SPRED1: variants seen among roughly 807,000 people sequenced by gnomAD.
SPRED1 encodes sprouty-related, EVH1 domain-containing protein 1.
A neutral mutation model predicts 52.3 loss-of-function variants in SPRED1; 18 were observed. That is an observed-to-expected ratio of 0.34 (90% CI 0.24 to 0.51). The LOEUF (loss-of-function observed/expected upper bound fraction) is 0.51. Among genes scored for constraint, SPRED1 ranks in the 20% least tolerant of loss-of-function variants. The pLI, the probability that SPRED1 is intolerant of heterozygous loss-of-function variation, is 0.97. For missense variants in SPRED1, 485 were observed against 551.0 expected (o/e 0.88, Z 1.20); for synonymous variants, 155 against 179.7 (o/e 0.86, Z 1.10).
intron 1 of SPRED1, among the ~76,000 whole-genome samples, chr15:38,297,419 G>A (rs1295272404): frequency 1.3e-5 from 2 of 152,172 alleles, no homozygotes; most frequent in African/African-American, 2.4e-5. Flanking sequence ...TAGTGGTGGA[G>A]CTTGCTCCAG....
chr15:38,304,737 C>G (rs184349471), intron 2 of SPRED1, among the ~76,000 whole-genome samples: 340 of 152,280 alleles, frequency 2.2e-3, no homozygotes, highest in African/African-American at 7.8e-3. Flanking sequence ...TTACCCAGAA[C>G]TGTTCCATTT....
intron 6 of SPRED1, 105 bp downstream of exon 6, chr15:38,349,628 A>C (rs1203671000): frequency 1.2e-6 from 1 of 857,290 alleles, no homozygotes; most frequent in African/African-American, 1.7e-5. Flanking sequence ...TGTACTAGAA[A>C]ATTTTTCATT....
chr15:38,269,911 T>G (rs910614238), intron 1 of SPRED1, among the ~76,000 whole-genome samples: 1 of 144,672 alleles, frequency 6.9e-6, no homozygotes, highest in Admixed American at 6.9e-5. Flanking sequence ...CTTTCTTTTT[T>G]TTTTTTTTTT....
chr15:38,330,374 G>A (rs1041571578), intron 4 of SPRED1, among the ~76,000 whole-genome samples: 2 of 152,010 alleles, frequency 1.3e-5, no homozygotes, highest in African/African-American at 4.8e-5. Context: ...TAGACAAATA[G>A]AAAACTAAAA....
chr15:38,305,156 C>G (rs902220242), intron 2 of SPRED1, among the ~76,000 whole-genome samples: 1 of 151,872 alleles, frequency 6.6e-6, no homozygotes, highest in African/African-American at 2.4e-5. Flanking sequence ...TGGTGAAACC[C>G]CACCTCTACT....
At chr15:38,313,181 TA>T (rs1895404546) in intron 2 of SPRED1, among the ~76,000 whole-genome samples, 1 of 152,078 alleles carries the variant, frequency 6.6e-6, no homozygotes, top group Non-Finnish European at 1.5e-5. Flanking sequence ...GAAATTAACA[TA>T]AATACAGTCT....
intron 1 of SPRED1, among the ~76,000 whole-genome samples, chr15:38,265,292 A>G (rs1172598998): frequency 6.6e-6 from 1 of 152,148 alleles, no homozygotes; most frequent in African/African-American, 2.4e-5. Context: ...CCCTACAATA[A>G]CATTTTTTGA....
intron 1 of SPRED1, among the ~76,000 whole-genome samples, chr15:38,269,245 A>G (rs1894377963): frequency 6.6e-6 from 1 of 151,630 alleles, no homozygotes; most frequent in African/African-American, 2.4e-5. Context: ...CCCAGCCAGT[A>G]CTAACTTTTT....
At chr15:38,264,372 A>G (rs927338227) in intron 1 of SPRED1, among the ~76,000 whole-genome samples, 2 of 152,202 alleles carry the variant, frequency 1.3e-5, no homozygotes, top group Admixed American at 6.5e-5. Flanking sequence ...ATTGACACAT[A>G]GAACTGATAG....
At chr15:38,333,421 A>G (rs1402431464) in intron 4 of SPRED1, among the ~76,000 whole-genome samples, 1 of 152,184 alleles carries the variant, frequency 6.6e-6, no homozygotes, top group East Asian at 1.9e-4. Context: ...ATGAGGATGA[A>G]AATCAGTAGG....
intron 1 of SPRED1, among the ~76,000 whole-genome samples, chr15:38,279,105 C>T (rs564178004): frequency 3.9e-5 from 6 of 152,280 alleles, no homozygotes; most frequent in Admixed American, 1.3e-4. Flanking sequence ...GGATTACAGG[C>T]GTGAGCCACC....
chr15:38,303,610 A>C (rs1438833250), intron 2 of SPRED1, among the ~76,000 whole-genome samples: 1 of 152,126 alleles, frequency 6.6e-6, no homozygotes, highest in Non-Finnish European at 1.5e-5. Flanking sequence ...TCTGTTTACT[A>C]CTAAACACAG....
intron 5 of SPRED1, among the ~76,000 whole-genome samples, chr15:38,340,784 C>A (rs1037490422): frequency 5.9e-5 from 9 of 152,106 alleles, no homozygotes; most frequent in Non-Finnish European, 1.0e-4. Flanking sequence ...CCCGCCTCAG[C>A]TTCCCAAAGT....
At chr15:38,315,896 A>G (rs1895469336) in intron 2 of SPRED1, among the ~76,000 whole-genome samples, 1 of 151,994 alleles carries the variant, frequency 6.6e-6, no homozygotes, top group South Asian at 2.1e-4. Flanking sequence ...GTCGGGCAGT[A>G]TTTTGAATAC....
intron 4 of SPRED1, among the ~76,000 whole-genome samples, chr15:38,337,878 A>G (rs1895951600): frequency 5.9e-5 from 9 of 151,864 alleles, no homozygotes; most frequent in Admixed American, 5.9e-4. Context: ...CAGTCTCCTG[A>G]GTATCCCAAC....
chr15:38,266,569 G>A (rs1228484838), intron 1 of SPRED1, among the ~76,000 whole-genome samples: 1 of 152,192 alleles, frequency 6.6e-6, no homozygotes, highest in Non-Finnish European at 1.5e-5. Context: ...CTGAACCCGG[G>A]AAGCTGAGGT....
At position 38,301,329 on chromosome 15, in the gene SPRED1, C is replaced by T. The variant is rs186129644; in HGVS notation, c.207+1782C>T. Among the ~76,000 whole-genome samples, 363 of 152,196 alleles carry T rather than the reference C, an allele frequency of 2.4e-3. 1 individual carries two copies. Among genetic ancestry groups the T allele is most frequent in the Middle Eastern group, 6.8e-3 (2 of 294 alleles). ...AAAAATCAAGAGCACTTACCCTAGT[C>T]CTAGGGTATAGAATATTGATAGACT... On this transcript the variant is annotated intron_variant, in intron 2 of 6. Transcript: ENST00000299084.
intron 4 of SPRED1, among the ~76,000 whole-genome samples, chr15:38,333,363 G>C (rs1895844263): frequency 6.6e-6 from 1 of 152,094 alleles, no homozygotes; most frequent in Non-Finnish European, 1.5e-5. Flanking sequence ...TGAAACATCA[G>C]ATGCTAACAG....
intron 4 of SPRED1, among the ~76,000 whole-genome samples, chr15:38,331,623 AT>A (rs112939503): frequency 1.3e-5 from 2 of 151,876 alleles, no homozygotes; most frequent in Non-Finnish European, 2.9e-5. Context: ...CAGATTTTGA[AT>A]TTTTTTTACT....
Sources: gnomAD v4.1 joint callset for allele counts (sites outside exome capture counted in the v4.1 genomes callset) on GRCh38, gnomAD v4.1.1 for gene constraint, MANE v1.5 for transcripts, NCBI Gene and HGNC (gene_info 2026-07-23, HGNC 2026-07-21) for gene names.